Variants in ATF7 observed in about 807,000 individuals in gnomAD.
ATF7 encodes cyclic AMP-dependent transcription factor ATF-7.
ATF7 carries 10 observed loss-of-function variants against 50.4 expected under a neutral mutation model. That is an observed-to-expected ratio of 0.20 (90% CI 0.12 to 0.34). ATF7 has a LOEUF of 0.34. Ranked by LOEUF, ATF7 falls within the 10% of genes least tolerant of loss-of-function variation. The pLI is 1.00. For synonymous variants in ATF7, 201 were observed against 226.4 expected, an observed-to-expected ratio of 0.89 and a Z score of 1.01; for missense variants, 465 against 613.9, an observed-to-expected ratio of 0.76 and a Z score of 2.56.
intron 2 of ATF7, among the ~76,000 whole-genome samples, chr12:53,587,843 A>ATATATATATATATATATGTATATATATT: frequency 1.6e-5 from 1 of 61,568 alleles, no homozygotes; most frequent in Admixed American, 2.3e-4. Flanking sequence ...ATATATATAT[A>ATATATATATATATATATGTATATATATT]TTTTTTTTTT....
chr12:53,569,812 A>G (rs1427825904), intron 2 of ATF7, among the ~76,000 whole-genome samples: 2 of 151,880 alleles, frequency 1.3e-5, no homozygotes, highest in Non-Finnish European at 2.9e-5. Context: ...CTCAGTAGCT[A>G]GGACCACAAG....
At chr12:53,522,385 C>A (rs1206155654) in intron 11 of ATF7, among the ~76,000 whole-genome samples, 1 of 151,042 alleles carries the variant, frequency 6.6e-6, no homozygotes, top group Non-Finnish European at 1.5e-5. Context: ...ATGATGAAAC[C>A]CTGTTTCCAC....
intron 2 of ATF7, among the ~76,000 whole-genome samples, chr12:53,580,159 G>T (rs904648418): frequency 5.9e-5 from 9 of 151,302 alleles, no homozygotes; most frequent in African/African-American, 2.2e-4. Context: ...TCAAACTCCT[G>T]ACCTCAGGTG....
At chr12:53,602,693 C>T (rs1020851486) in intron 1 of ATF7, among the ~76,000 whole-genome samples, 3 of 152,094 alleles carry the variant, frequency 2.0e-5, no homozygotes, top group Admixed American at 6.6e-5. Context: ...AAATTCTGTT[C>T]CTAGGAGAGG....
chr12:53,510,424 C>T (rs1944108165), downstream of ATF7, among the ~76,000 whole-genome samples: 1 of 152,186 alleles, frequency 6.6e-6, no homozygotes, highest in African/African-American at 2.4e-5. Context: ...CAGAATGATC[C>T]TTGTCTGCTC....
intron 6 of ATF7, among the ~76,000 whole-genome samples, 155 bp from the exon 7 acceptor site, chr12:53,533,414 AG>A (rs1939024146): frequency 6.6e-6 from 1 of 152,258 alleles, no homozygotes. Flanking sequence ...GTGAGAAGGC[AG>A]GGAATCCTAT....
At chr12:53,584,130 G>T (rs1942569428) in intron 2 of ATF7, among the ~76,000 whole-genome samples, 1 of 152,112 alleles carries the variant, frequency 6.6e-6, no homozygotes, top group Non-Finnish European at 1.5e-5. Context: ...ACAGGCACTT[G>T]CCACCACGCC....
chr12:53,571,576 A>G (rs1000861238), intron 2 of ATF7, among the ~76,000 whole-genome samples: 1 of 151,224 alleles, frequency 6.6e-6, no homozygotes, highest in Non-Finnish European at 1.5e-5. Flanking sequence ...CTGAGAAGGG[A>G]GGATCATTTG....
chr12:53,532,704 C>T lies in ATF7; in HGVS notation c.661-81G>A, dbSNP rs1307520825. On this transcript the variant is annotated intron_variant, in intron 7 of 11. Coordinates refer to ENST00000420353, the MANE Select transcript of ATF7 (RefSeq NM_006856.3). ...GGGCAACAGTTTCCCTAAAATGAAG[C>T]GCTTTTGAGATTGGCACATCAGGGC... 30 of 1,077,700 alleles carry T rather than the reference C, an allele frequency of 2.8e-5. No homozygotes were observed. The Admixed American group carries it at 5.4e-4, about 19-fold the overall frequency. 66.8% of individuals were successfully genotyped at this position (1,077,700 alleles called of 1,614,324 possible). A position where few individuals can be genotyped will look rare whatever the true frequency, so the allele number is the denominator to read the frequency against.
At position 53,559,538 on chromosome 12, in the gene ATF7, G is replaced by A. The variant is rs891404732; in HGVS notation, c.49-6901C>T. ...TACAAGAAATACAAAAATCAGCTGCGTGTGGAGGCGCGTGCCTGTAGTCCC... is the reference window on the plus strand; with the variant it reads ...TACAAGAAATACAAAAATCAGCTGCATGTGGAGGCGCGTGCCTGTAGTCCC... On this transcript the variant is annotated intron_variant, in intron 2 of 11. Transcript: ENST00000420353. Among the ~76,000 whole-genome samples the A allele has an allele frequency of 3.9e-5, 6 of 151,994 alleles. No individual in the cohort carries two copies. The East Asian group carries it at 5.8e-4, about 15-fold the overall frequency.
At chr12:53,562,483 A>G (rs530873231) in intron 2 of ATF7, among the ~76,000 whole-genome samples, 37 of 152,052 alleles carry the variant, frequency 2.4e-4, no homozygotes, top group Non-Finnish European at 4.7e-4. Flanking sequence ...CTACTTAAAA[A>G]ATACAAAAAA....
At chr12:53,595,110 T>C (rs895866598) in intron 2 of ATF7, among the ~76,000 whole-genome samples, 2 of 152,160 alleles carry the variant, frequency 1.3e-5, no homozygotes, top group Admixed American at 6.5e-5. Context: ...TCTTACCAGA[T>C]GGGAACTAGA....
chr12:53,603,081 G>A (rs1943466758), intron 1 of ATF7, among the ~76,000 whole-genome samples: 1 of 152,112 alleles, frequency 6.6e-6, no homozygotes, highest in South Asian at 2.1e-4. Context: ...TAAACTACAA[G>A]GGCTAGAGTA....
At chr12:53,531,315 G>A (rs1424545897) in intron 9 of ATF7, among the ~76,000 whole-genome samples, 3 of 151,772 alleles carry the variant, frequency 2.0e-5, no homozygotes, top group African/African-American at 7.3e-5. Context: ...CCAGCTACTC[G>A]GGAGGCTGAG....
chr12:53,620,181 G>A (rs1016475330), intron 1 of ATF7, among the ~76,000 whole-genome samples: 1 of 152,136 alleles, frequency 6.6e-6, no homozygotes, highest in Admixed American at 6.6e-5. Flanking sequence ...GCTCACGCCT[G>A]TAATCCTAGC....
chr12:53,555,490 A>ATTTTT (rs543048867), intron 2 of ATF7, among the ~76,000 whole-genome samples: 10 of 100,740 alleles, frequency 9.9e-5, no homozygotes, highest in African/African-American at 1.7e-4. Context: ...AAATAATATA[A>ATTTTT]TTTTTTTTTT....
At chr12:53,586,300 C>T (rs925565148) in intron 2 of ATF7, among the ~76,000 whole-genome samples, 3 of 152,004 alleles carry the variant, frequency 2.0e-5, no homozygotes, top group African/African-American at 7.3e-5. Context: ...AAGGAGACTA[C>T]AGTCTCCGTT....
intron 1 of ATF7, among the ~76,000 whole-genome samples, chr12:53,618,656 G>A (rs182426380): frequency 6.6e-6 from 1 of 152,174 alleles, no homozygotes; most frequent in African/African-American, 2.4e-5. Flanking sequence ...CTTAGACCTG[G>A]CAAACTTAGA....
At position 53,524,722 on chromosome 12, in the gene ATF7, G is replaced by C; in HGVS notation, c.967C>G (p.Arg323Gly). 1 of 1,612,046 alleles carries C rather than the reference G, an allele frequency of 6.2e-7. No individual in the cohort carries two copies. The highest frequency in any genetic ancestry group is 8.5e-7 in the Non-Finnish European group (1 of 1,179,394). The change falls in exon 10 of 12, where the codon CGG (arginine) becomes GGG (glycine). Residue 323 changes from arginine to glycine, a missense_variant. Physicochemically the swap from Arg to Gly is moderately radical, Grantham distance 125. Coordinates refer to ENST00000420353, the MANE Select transcript of ATF7 (RefSeq NM_006856.3). The surrounding 1 kb of genome is among the most constrained non-coding windows in gnomAD (Gnocchi z 4.6). ...GGATCTTCATCTACTGTGCGCCGCCGTCGCCCCCCAGTACTAGGGGTGGGC... is the reference window on the plus strand; with the variant it reads ...GGATCTTCATCTACTGTGCGCCGCCCTCGCCCCCCAGTACTAGGGGTGGGC... ...AQPTPSTGGR[R>G]RRTVDEDPDE...
Sources: gnomAD v4.1 joint callset for allele counts (sites outside exome capture counted in the v4.1 genomes callset) on GRCh38, gnomAD v4.1.1 for gene constraint, Gnocchi (gnomAD v3.1) non-coding constraint, MANE v1.5 for transcripts, NCBI Gene and HGNC (gene_info 2026-07-23, HGNC 2026-07-21) for gene names.